The following GIGYF2 variants were observed in gnomAD, a reference collection of about 807,000 sequenced individuals.
GIGYF2 encodes the protein GRB10 interacting GYF protein 2, also known as GRB10-interacting GYF protein 2.
Under a neutral mutation model 208.1 loss-of-function variants are expected in GIGYF2, and 25 were observed. That is an observed-to-expected ratio of 0.12 (90% CI 0.09 to 0.17). GIGYF2 has a LOEUF of 0.17. Ranked by LOEUF, GIGYF2 falls within the 10% of genes least tolerant of loss-of-function variation. The probability of loss-of-function intolerance (pLI) is 1.00; values close to 1 mark genes in which losing one functional copy is unlikely to be tolerated. For synonymous variants in GIGYF2, 534 were observed against 543.8 expected (o/e 0.98, Z 0.25); for missense variants, 1,302 against 1,579.4 (o/e 0.82, Z 2.98).
chr2:232,825,160 A>C (rs1444368627), intron 21 of GIGYF2, among the ~76,000 whole-genome samples: 1 of 152,220 alleles, frequency 6.6e-6, no homozygotes, highest in African/African-American at 2.4e-5. Context: ...CATAACATTC[A>C]TTCTGCAGCC....
intron 3 of GIGYF2, among the ~76,000 whole-genome samples, chr2:232,738,029 C>T (rs1164183747): frequency 6.6e-6 from 1 of 150,994 alleles, no homozygotes; most frequent in Non-Finnish European, 1.5e-5. Flanking sequence ...TGATTCTTCT[C>T]CCTCAACCTC....
At chr2:232,737,602 A>G (rs10221688) in intron 3 of GIGYF2, among the ~76,000 whole-genome samples, 1 of 152,136 alleles carries the variant, frequency 6.6e-6, no homozygotes, top group Non-Finnish European at 1.5e-5. Flanking sequence ...AGAGAGTACT[A>G]CCTAATTTTT....
intron 2 of GIGYF2, among the ~76,000 whole-genome samples, chr2:232,712,563 C>T (rs1368594887): frequency 6.6e-6 from 1 of 152,118 alleles, no homozygotes; most frequent in East Asian, 1.9e-4. Flanking sequence ...GCAGTTTTCC[C>T]CATCACTGCA....
chr2:232,700,030 G>A (rs1695776367), intron 1 of GIGYF2, among the ~76,000 whole-genome samples: 1 of 152,122 alleles, frequency 6.6e-6, no homozygotes, highest in Non-Finnish European at 1.5e-5. Context: ...TTTCATAAAT[G>A]TCCTCTTTCA....
chr2:232,813,111 A>C (rs188018203), intron 18 of GIGYF2, among the ~76,000 whole-genome samples: 1 of 152,072 alleles, frequency 6.6e-6, no homozygotes, highest in African/African-American at 2.4e-5. Context: ...TTATATTTTT[A>C]CATCAAATTA....
intron 8 of GIGYF2, among the ~76,000 whole-genome samples, chr2:232,774,625 C>T (rs1273093967): frequency 6.6e-6 from 1 of 152,114 alleles, no homozygotes; most frequent in Non-Finnish European, 1.5e-5. Context: ...TAGTTGGTTG[C>T]CTTCAAAATG....
intron 2 of GIGYF2, among the ~76,000 whole-genome samples, chr2:232,733,150 G>C (rs528810517): frequency 2.0e-5 from 3 of 151,914 alleles, no homozygotes; most frequent in Non-Finnish European, 2.9e-5. Flanking sequence ...CCAGCTACTC[G>C]GGAGGCTGAG....
intron 21 of GIGYF2, among the ~76,000 whole-genome samples, chr2:232,823,781 T>C (rs1396121402): frequency 6.6e-6 from 1 of 152,236 alleles, no homozygotes; most frequent in African/African-American, 2.4e-5. Flanking sequence ...ATTTCTTCAT[T>C]GAATAGAGGC....
intron 2 of GIGYF2, 92 bp from the exon 3 acceptor site, chr2:232,735,063 C>T: frequency 1.5e-6 from 1 of 673,974 alleles, no homozygotes; most frequent in Non-Finnish European, 2.7e-6. Flanking sequence ...TTGAGAGGAG[C>T]ATAAATAAAA....
chr2:232,797,840 A>T (rs1700271590), intron 14 of GIGYF2, among the ~76,000 whole-genome samples: 1 of 151,874 alleles, frequency 6.6e-6, no homozygotes, highest in African/African-American at 2.4e-5. Flanking sequence ...AATTAGCTGG[A>T]TGTGGTGGCA....
In GIGYF2 at chr2:232,844,566, C is replaced by G. The variant is rs1350737345; in HGVS notation, c.3297C>G (p.Ala1099=). 6.2e-7 allele frequency: 1 copy of G among 1,610,034 alleles called. No homozygotes were observed. Among genetic ancestry groups the G allele is most frequent in the African/African-American group, 1.3e-5 (1 of 74,826 alleles). ...CAACAAATAAAAATAAAAACAACGC[C>G]AGTCTCAGGTAGGGCTCAAAATGAC... ...RNSTNKNKNN[A]SLSKSVGVSN... The change falls in exon 25 of 29, where the codon GCC becomes GCG. Residue 1099 remains alanine (A), a synonymous_variant. Transcript: ENST00000373563.
intron 5 of GIGYF2, among the ~76,000 whole-genome samples, chr2:232,752,665 C>T (rs1017927099): frequency 2.0e-5 from 3 of 151,770 alleles, no homozygotes; most frequent in Admixed American, 1.3e-4. Flanking sequence ...CTCAGCCTCC[C>T]GAGTAGCTGG....
chr2:232,730,016 A>T (rs968030582), intron 2 of GIGYF2: 5 of 784,548 alleles, frequency 6.4e-6, no homozygotes, highest in Non-Finnish European at 1.1e-5. Context: ...CTTTTTCGTA[A>T]GACTTGATGT....
intron 5 of GIGYF2, among the ~76,000 whole-genome samples, chr2:232,752,841 A>G (rs893891488): frequency 1.3e-5 from 2 of 151,940 alleles, no homozygotes; most frequent in Admixed American, 6.6e-5. Flanking sequence ...CGCCTGGCCT[A>G]TTTATTCATT....
At chr2:232,784,654 G>A (rs1181904938) in intron 8 of GIGYF2, among the ~76,000 whole-genome samples, 4 of 152,040 alleles carry the variant, frequency 2.6e-5, no homozygotes, top group Non-Finnish European at 4.4e-5. Context: ...TGGGATTACA[G>A]GTGTGAGCCA....
Position 232,768,429 on chromosome 2 carries a change from C to T in GIGYF2, c.532+6993C>T, listed in dbSNP as rs555860663. Reference sequence around the variant, plus strand: ...CGGTAGGTAGGATGTCCTCCTTTGGCATATTTCTCCAGTGCCCTCCTGCAT... The same window carrying T: ...CGGTAGGTAGGATGTCCTCCTTTGGTATATTTCTCCAGTGCCCTCCTGCAT... On this transcript the variant is annotated intron_variant, in intron 8 of 28. Transcript: ENST00000373563. 111 of 1,614,192 alleles carry T rather than the reference C, an allele frequency of 6.9e-5. 1 individual carries two copies. The South Asian group carries it at 1.2e-3, about 17-fold the overall frequency.
Position 232,859,991 on chromosome 2 carries a change from C to T in GIGYF2, c.*3131C>T, listed in dbSNP as rs1690712712. On this transcript the variant is annotated 3_prime_UTR_variant, in exon 29 of 29. Coordinates refer to ENST00000373563, the MANE Select transcript of GIGYF2 (RefSeq NM_001103146.3). Reference sequence around the variant, plus strand: ...ATTCAAGAGAAGGGAGCATGGCCCTCTCCCTGCAACCCCCTCCCCCCCCGC... The same window carrying T: ...ATTCAAGAGAAGGGAGCATGGCCCTTTCCCTGCAACCCCCTCCCCCCCCGC... 2 of 152,124 alleles carry T rather than the reference C, an allele frequency of 1.3e-5. No individual in the cohort carries two copies. The highest frequency in any genetic ancestry group is 4.1e-4 in the South Asian group (2 of 4,820). The allele number at this position is 152,124 out of a possible 1,614,324, so 9.4% of individuals were successfully genotyped here.
At chr2:232,812,311 A>C in intron 17 of GIGYF2, 80 bp from the exon 18 acceptor site, 1 of 720,782 alleles carries the variant, frequency 1.4e-6, no homozygotes, top group East Asian at 2.6e-5. Context: ...GAACCTGCTA[A>C]TCTAGAAATT....
intron 2 of GIGYF2, among the ~76,000 whole-genome samples, chr2:232,724,902 C>T (rs1367923414): frequency 2.6e-5 from 4 of 152,108 alleles, no homozygotes; most frequent in Non-Finnish European, 4.4e-5. Flanking sequence ...GTACCACTAC[C>T]ATCTTTGTTG....
Sources: allele counts gnomAD v4.1 joint callset (sites outside exome capture counted in the v4.1 genomes callset), GRCh38; gene constraint gnomAD v4.1.1; transcripts MANE v1.5; gene names NCBI Gene and HGNC (gene_info 2026-07-23, HGNC 2026-07-21).